Variants in N4BP2L1 observed in about 807,000 individuals in gnomAD.
N4BP2L1 encodes the protein NEDD4-binding protein 2-like 1.
N4BP2L1 carries 12 observed loss-of-function variants against 21.2 expected under a neutral mutation model. That is an observed-to-expected ratio of 0.57 (90% CI 0.36 to 0.92). The LOEUF (loss-of-function observed/expected upper bound fraction) is 0.92. Ranked by LOEUF, N4BP2L1 falls within the 40% of genes least tolerant of loss-of-function variation. The pLI, the probability that N4BP2L1 is intolerant of heterozygous loss-of-function variation, is 0.01. For missense variants in N4BP2L1, 259 were observed against 310.6 expected (o/e 0.83, Z 1.25); for synonymous variants, 104 against 112.8 (o/e 0.92, Z 0.49).
chr13:32,414,970 C>T (rs888082077), intron 1 of N4BP2L1, among the ~76,000 whole-genome samples: 6 of 152,222 alleles, frequency 3.9e-5, no homozygotes, highest in African/African-American at 1.4e-4. Flanking sequence ...CTTTTCCCCA[C>T]AGGCATTAAT....
chr13:32,428,921 T>TG (rs2074926255), upstream of N4BP2L1, among the ~76,000 whole-genome samples: 2 of 152,216 alleles, frequency 1.3e-5, no homozygotes, highest in Admixed American at 1.3e-4. Context: ...GAGTACCCAT[T>TG]GGTTGATCAC....
rs560719734 is a variant in N4BP2L1 at position 32,408,958 on chromosome 13, AT to A, written c.180-1187del. 5.3e-5 allele frequency among the ~76,000 whole-genome samples: 8 copies of A among 152,324 alleles called. No homozygotes were observed. In the East Asian group the frequency reaches 1.5e-3, roughly 29 times the overall value. ...TTTTCTCAACTGTAAAACACAGATA[AT>A]TATCCCTACCTATTAAACAGAGCTT... On this transcript the variant is annotated intron_variant, in intron 1 of 4. Transcript: ENST00000380130.
Position 32,427,951 on chromosome 13 carries a change from G to A in N4BP2L1, c.132C>T (p.Leu44=), listed in dbSNP as rs1380442909. The change falls in exon 1 of 5, where the codon CTC becomes CTT. Residue 44 remains leucine (L), a synonymous_variant. Transcript: ENST00000380130. ...PPRRHSFRKH[L]YLLRGLPGSG... ...AGCCCGGGAGGCCTCGCAGGAGGTA[G>A]AGGTGTTTCCTAAAGCTGTGGCGGC... The A allele has an allele frequency of 3.3e-6, 5 of 1,537,900 alleles. No homozygotes were observed. Among genetic ancestry groups the A allele is most frequent in the Non-Finnish European group, 3.5e-6 (4 of 1,141,986 alleles).
At chr13:32,416,878 A>G (rs2074173329) in intron 1 of N4BP2L1, among the ~76,000 whole-genome samples, 2 of 151,318 alleles carry the variant, frequency 1.3e-5, no homozygotes, top group Admixed American at 6.6e-5. Flanking sequence ...GTGCAATGGC[A>G]TGATCTCGGC....
chr13:32,402,761 G>C lies in N4BP2L1; in HGVS notation c.*181C>G, dbSNP rs539700452. On this transcript the variant is annotated 3_prime_UTR_variant, in exon 5 of 5. Coordinates refer to ENST00000380130, the MANE Select transcript of N4BP2L1 (RefSeq NM_052818.3). ...TGCAGAATTCCCAGCATCAGACCAT[G>C]CATATAGAAGCACTTTAACAAATTT... 4.3e-6 allele frequency: 6 copies of C among 1,388,096 alleles called. No homozygotes were observed. The Admixed American group carries it at 1.7e-4, about 38-fold the overall frequency. 86.0% of individuals were successfully genotyped at this position (1,388,096 alleles called of 1,614,324 possible). A position where few individuals can be genotyped will look rare whatever the true frequency, so the allele number is the denominator to read the frequency against.
intron 4 of N4BP2L1, 194 bp downstream of exon 4, chr13:32,404,127 C>G (rs2073323631): frequency 6.3e-7 from 1 of 1,590,704 alleles, no homozygotes; most frequent in African/African-American, 1.3e-5. Context: ...TAGCATTTAG[C>G]ATTATATTAG....
intron 3 of N4BP2L1, among the ~76,000 whole-genome samples, chr13:32,406,227 G>C (rs1191875043): frequency 6.6e-6 from 1 of 151,678 alleles, no homozygotes; most frequent in Non-Finnish European, 1.5e-5. Flanking sequence ...CCATTTTTAT[G>C]GTTCTGGATC....
At chr13:32,419,262 TTGA>T in intron 1 of N4BP2L1, 1 of 159,830 alleles carries the variant, frequency 6.3e-6, no homozygotes, top group Non-Finnish European at 1.3e-5. Flanking sequence ...TTTTTTTTTT[TTGA>T]GACAGAGTCT....
intron 1 of N4BP2L1, among the ~76,000 whole-genome samples, chr13:32,421,177 G>T (rs1229505572): frequency 6.6e-6 from 1 of 152,176 alleles, no homozygotes; most frequent in African/African-American, 2.4e-5. Context: ...TCTTTTAGGA[G>T]CTGGACAGAA....
intron 2 of N4BP2L1, 49 bp from the exon 3 acceptor site, chr13:32,407,387 G>A: frequency 6.2e-7 from 1 of 1,613,756 alleles, no homozygotes; most frequent in Non-Finnish European, 8.5e-7. Flanking sequence ...CAATCAGAGG[G>A]AAGGTGAGCG....
In N4BP2L1 at chr13:32,427,994, G is replaced by GGGGGCGGCC. The variant is rs754853324; in HGVS notation, c.80_88dup (p.Arg27_Pro29dup). The GGGGGCGGCC allele has an allele frequency of 4.4e-5, 69 of 1,557,860 alleles. No individual in the cohort carries two copies. Among genetic ancestry groups the GGGGGCGGCC allele is most frequent in the Non-Finnish European group, 5.7e-5 (66 of 1,154,842 alleles). ...GTGGCGGCGAGGAGGTGTCCCCCGCGGGGGCGGCCGGGGCGGCCGCTGCCG... is the reference window on the plus strand; with the variant it reads ...GTGGCGGCGAGGAGGTGTCCCCCGCGGGGGCGGCCGGGGCGGCCGGGGCGGCCGCTGCCG... On this transcript the variant is annotated inframe_insertion, in exon 1 of 5. Transcript: ENST00000380130.
At chr13:32,413,500 A>T (rs928184224) in intron 1 of N4BP2L1, among the ~76,000 whole-genome samples, 2 of 152,162 alleles carry the variant, frequency 1.3e-5, no homozygotes, top group African/African-American at 4.8e-5. Flanking sequence ...GCACATAATG[A>T]CAGTCTGTCC....
At chr13:32,419,460 CG>C (rs2074350839) in intron 1 of N4BP2L1, 3 of 260,946 alleles carry the variant, frequency 1.1e-5, no homozygotes, top group South Asian at 8.0e-5. Flanking sequence ...ATTTTACAGA[CG>C]GGGTTTCACT....
chr13:32,411,874 GT>G, intron 1 of N4BP2L1: 1 of 682,170 alleles, frequency 1.5e-6, no homozygotes, highest in Non-Finnish European at 1.8e-6. Context: ...TTGACGCCCA[GT>G]TTTTTACTAG....
chr13:32,420,442 CTG>C (rs1178422143), intron 1 of N4BP2L1: 1 of 152,164 alleles, frequency 6.6e-6, no homozygotes, highest in Non-Finnish European at 1.5e-5. Context: ...AGAAGAGTAA[CTG>C]TACAGGAAAA....
chr13:32,427,953 G>A lies in N4BP2L1; in HGVS notation c.130C>T (p.Leu44Phe). Residue 44 changes from leucine (L) to phenylalanine (F), a missense_variant, in exon 1 of 5, where the codon CTC becomes TTC. This residue lies in a region of N4BP2L1 where 91 missense variants were observed against 148.1 expected (regional missense o/e 0.61). Coordinates refer to ENST00000380130, the MANE Select transcript of N4BP2L1 (RefSeq NM_052818.3). The stretch of plus-strand genomic sequence containing the variant: ...CCCGGGAGGCCTCGCAGGAGGTAGA[G>A]GTGTTTCCTAAAGCTGTGGCGGCGA... ...PPRRHSFRKH[L>F]YLLRGLPGSG... is the part of the protein sequence containing the mutation. 1 of 1,539,110 alleles carries A rather than the reference G, an allele frequency of 6.5e-7. No homozygotes were observed. The highest frequency in any genetic ancestry group is 1.7e-4 in the Middle Eastern group (1 of 5,720).
chr13:32,407,516 G>A (rs1301084799), intron 2 of N4BP2L1, 129 bp downstream of exon 2: 5 of 1,590,088 alleles, frequency 3.1e-6, no homozygotes, highest in South Asian at 2.2e-5. Context: ...ATGCTCTGGT[G>A]TTCTGTTTTG....
At chr13:32,408,718 TAAG>T (rs1231847914) in intron 1 of N4BP2L1, among the ~76,000 whole-genome samples, 1 of 152,080 alleles carries the variant, frequency 6.6e-6, no homozygotes, top group Non-Finnish European at 1.5e-5. Flanking sequence ...ATGCTCAGAA[TAAG>T]AAGATATTTA....
Position 32,407,154 on chromosome 13 carries a change from A to T in N4BP2L1, c.396+96T>A. On this transcript the variant is annotated intron_variant, in intron 3 of 4. Transcript: ENST00000380130. ...GGGAGAACCACTGTTAGCAAATATGAAATCATGGAACATCAGAAAAAGAGG... is the reference window on the plus strand; with the variant it reads ...GGGAGAACCACTGTTAGCAAATATGTAATCATGGAACATCAGAAAAAGAGG... 2.4e-6 allele frequency: 3 copies of T among 1,271,038 alleles called. No homozygotes were observed. In the Admixed American group the frequency reaches 5.4e-5, roughly 23 times the overall value. 78.7% of individuals were successfully genotyped at this position (1,271,038 alleles called of 1,614,324 possible).
Sources: allele counts gnomAD v4.1 joint callset (sites outside exome capture counted in the v4.1 genomes callset), GRCh38; gene constraint gnomAD v4.1.1; regional missense constraint gnomAD v4.1.1; transcripts MANE v1.5; gene names NCBI Gene and HGNC (gene_info 2026-07-23, HGNC 2026-07-21).